DRC11: variants seen among roughly 807,000 people sequenced by gnomAD.
The protein encoded by DRC11 is dynein regulatory complex subunit 11, also known as IQ and AAA domain-containing protein 1.
chr2:236,328,509 T>C, the DRC11 span, among the ~76,000 whole-genome samples: 1 of 152,122 alleles, frequency 6.6e-6, no homozygotes, highest in African/African-American at 2.4e-5. The surrounding 1 kb of genome is among the most constrained non-coding windows in gnomAD (Gnocchi z 6.7). Context: ...GTTCCAACTT[T>C]GTGCAGTTCC....
the DRC11 span, chr2:236,409,197 C>T: frequency 4.5e-6 from 1 of 224,050 alleles, no homozygotes; most frequent in East Asian, 1.2e-4. Context: ...GCCTTCCTCC[C>T]AGGCTCAGGA....
the DRC11 span, chr2:236,408,006 G>A: frequency 1.8e-6 from 1 of 556,056 alleles, no homozygotes; most frequent in South Asian, 1.4e-5. This position sits in a 1 kb window ranked among gnomAD's most constrained non-coding sequence, Gnocchi z 5.5. Context: ...CCCGCTGTTT[G>A]GTCTCAGCCA....
chr2:236,345,002 G>C, the DRC11 span, among the ~76,000 whole-genome samples: 7 of 100,478 alleles, frequency 7.0e-5, no homozygotes, highest in Admixed American at 1.9e-4. Context: ...GCTTCCCTCT[G>C]GGGTGTGCAG....
At chr2:236,490,570 C>T in the DRC11 span, among the ~76,000 whole-genome samples, 3 of 152,112 alleles carry the variant, frequency 2.0e-5, no homozygotes, top group East Asian at 1.9e-4. This position sits in a 1 kb window ranked among gnomAD's most constrained non-coding sequence, Gnocchi z 5.5. Flanking sequence ...CATACAGTAC[C>T]CAGCAAACAT....
the DRC11 span, among the ~76,000 whole-genome samples, chr2:236,415,250 T>C: frequency 6.1e-3 from 931 of 152,292 alleles, 9 homozygotes; most frequent in African/African-American, 0.021. The surrounding 1 kb of genome is among the most constrained non-coding windows in gnomAD (Gnocchi z 5.7). Flanking sequence ...GAACTGGCAA[T>C]TGATATGTGG....
chr2:236,488,249 C>T, the DRC11 span: 2 of 1,262,186 alleles, frequency 1.6e-6, no homozygotes, highest in Admixed American at 2.8e-5. Context: ...ATCAATTGAT[C>T]CCAGACACAT....
the DRC11 span, among the ~76,000 whole-genome samples, chr2:236,360,343 C>T: frequency 6.6e-6 from 1 of 152,106 alleles, no homozygotes; most frequent in East Asian, 1.9e-4. The surrounding 1 kb of genome is among the most constrained non-coding windows in gnomAD (Gnocchi z 5.8). Context: ...AAGTGTCTAC[C>T]TCATAGAGTT....
At chr2:236,415,052 T>C in the DRC11 span, among the ~76,000 whole-genome samples, 6 of 152,196 alleles carry the variant, frequency 3.9e-5, no homozygotes, top group Non-Finnish European at 8.8e-5. The surrounding 1 kb of genome is among the most constrained non-coding windows in gnomAD (Gnocchi z 5.7). Context: ...AACGATCTCA[T>C]GGACATGTAA....
At chr2:236,349,216 AG>A in the DRC11 span, among the ~76,000 whole-genome samples, 1 of 152,062 alleles carries the variant, frequency 6.6e-6, no homozygotes, top group Non-Finnish European at 1.5e-5. The surrounding 1 kb of genome is among the most constrained non-coding windows in gnomAD (Gnocchi z 5.5). Flanking sequence ...ACTGCTGCCA[AG>A]GGATGGAGCT....
At chr2:236,365,035 CTT>C in the DRC11 span, among the ~76,000 whole-genome samples, 1 of 152,110 alleles carries the variant, frequency 6.6e-6, no homozygotes, top group East Asian at 1.9e-4. The surrounding 1 kb of genome is among the most constrained non-coding windows in gnomAD (Gnocchi z 7.4). Flanking sequence ...AGGAGAGACT[CTT>C]TTTCCACAAC....
chr2:236,459,595 G>GTATATACGTATATACGTATATA, the DRC11 span, among the ~76,000 whole-genome samples: 3 of 108,824 alleles, frequency 2.8e-5, no homozygotes, highest in Non-Finnish European at 4.1e-5. Context: ...ATACGTATAC[G>GTATATACGTATATACGTATATA]TATACATATA....
the DRC11 span, among the ~76,000 whole-genome samples, chr2:236,372,539 C>T: frequency 3.3e-5 from 5 of 152,204 alleles, no homozygotes; most frequent in South Asian, 4.2e-4. This position sits in a 1 kb window ranked among gnomAD's most constrained non-coding sequence, Gnocchi z 4.5. Context: ...TCATTAGCAG[C>T]GAGCTGCACT....
the DRC11 span, among the ~76,000 whole-genome samples, chr2:236,311,944 A>T: frequency 6.6e-6 from 1 of 151,974 alleles, no homozygotes; most frequent in African/African-American, 2.4e-5. This position sits in a 1 kb window ranked among gnomAD's most constrained non-coding sequence, Gnocchi z 6.9. Context: ...TTTTCATTCT[A>T]TAGATATGTT....
At chr2:236,363,140 G>C in the DRC11 span, among the ~76,000 whole-genome samples, 1 of 152,198 alleles carries the variant, frequency 6.6e-6, no homozygotes, top group Admixed American at 6.5e-5. This position sits in a 1 kb window ranked among gnomAD's most constrained non-coding sequence, Gnocchi z 5.6. Context: ...GGCTAACCTG[G>C]AGGTTCTCAA....
the DRC11 span, among the ~76,000 whole-genome samples, chr2:236,480,783 T>C: frequency 6.6e-6 from 1 of 152,228 alleles, no homozygotes; most frequent in African/African-American, 2.4e-5. Context: ...TTATTTCTTG[T>C]TGGTGTATGT....
chr2:236,325,488 GA>G, the DRC11 span, among the ~76,000 whole-genome samples: 2 of 152,096 alleles, frequency 1.3e-5, no homozygotes, highest in Non-Finnish European at 2.9e-5. This position sits in a 1 kb window ranked among gnomAD's most constrained non-coding sequence, Gnocchi z 4.4. Context: ...CACACATTTA[GA>G]AATAGAACTC....
chr2:236,464,736 T>C, the DRC11 span, among the ~76,000 whole-genome samples: 2 of 152,046 alleles, frequency 1.3e-5, no homozygotes, highest in Non-Finnish European at 2.9e-5. Context: ...GTCTGGGTCA[T>C]GGGGGTGGAT....
the DRC11 span, among the ~76,000 whole-genome samples, chr2:236,358,276 GATATATATACTAT>G: frequency 7.9e-6 from 1 of 126,474 alleles, no homozygotes; most frequent in Non-Finnish European, 1.6e-5. Context: ...ATAATATATA[GATATATATACTAT>G]ATGAATATAT....
chr2:236,447,136 C>T, the DRC11 span, among the ~76,000 whole-genome samples: 7 of 151,614 alleles, frequency 4.6e-5, 2 homozygotes, highest in African/African-American at 1.7e-4. This position sits in a 1 kb window ranked among gnomAD's most constrained non-coding sequence, Gnocchi z 4.6. Flanking sequence ...TTCATGGGAC[C>T]TGTCTCCATT....
Sources: allele counts gnomAD v4.1 joint callset (sites outside exome capture counted in the v4.1 genomes callset), GRCh38; gene constraint gnomAD v4.1.1; non-coding constraint Gnocchi (gnomAD v3.1); transcripts MANE v1.5; gene names NCBI Gene and HGNC (gene_info 2026-07-23, HGNC 2026-07-21).